TECTA: variants seen among roughly 807,000 people sequenced by gnomAD.
TECTA encodes the protein tectorin alpha.
A neutral mutation model predicts 216.8 loss-of-function variants in TECTA; 128 were observed. The ratio of observed to expected loss-of-function variants is 0.59; its 90% CI spans 0.51 to 0.68. The LOEUF (loss-of-function observed/expected upper bound fraction) is 0.68, where lower values mean the gene tolerates loss of function less well. Among genes scored for constraint, TECTA ranks in the 30% least tolerant of loss-of-function variants. TECTA has a pLI of 0.00. For synonymous variants in TECTA, 1,089 were observed against 1,117.1 expected, an observed-to-expected ratio of 0.97 and a Z score of 0.50; for missense variants, 2,551 against 2,786.2, an observed-to-expected ratio of 0.92 and a Z score of 1.90.
At chr11:121,159,652 G>T (rs1946978730) in intron 14 of TECTA, among the ~76,000 whole-genome samples, 3 of 152,166 alleles carry the variant, frequency 2.0e-5, no homozygotes, top group Admixed American at 2.0e-4. Context: ...GATAAATATG[G>T]CAATGATGCC....
chr11:121,111,011 T>G (rs910227034), intron 4 of TECTA, among the ~76,000 whole-genome samples: 1 of 152,168 alleles, frequency 6.6e-6, no homozygotes, highest in Admixed American at 6.5e-5. Flanking sequence ...ATGTTTCCCC[T>G]TCTGTATAGA....
intron 14 of TECTA, 97 bp from the exon 15 acceptor site, chr11:121,160,038 C>T (rs1306794221): frequency 1.4e-6 from 2 of 1,435,792 alleles, no homozygotes; most frequent in East Asian, 4.6e-5. Context: ...GATCACAGGG[C>T]CTGCGACACC....
Position 121,128,223 on chromosome 11 carries a change from A to G in TECTA, c.2246A>G (p.Tyr749Cys), listed in dbSNP as rs1387980685. 14 of 1,602,864 alleles carry G rather than the reference A, an allele frequency of 8.7e-6. No individual in the cohort carries two copies. The highest frequency in any genetic ancestry group is 1.3e-5 in the African/African-American group (1 of 74,932). Residue 749 changes from tyrosine (Y) to cysteine (C), a missense_variant, in exon 9 of 24, where the codon TAC becomes TGC. Physicochemically the swap from Tyr to Cys is radical, Grantham distance 194. Transcript: ENST00000392793. ...AAGACCTGCCCTGAGCGCCCAGAGTACTTGGAAATCGACATCAACAAGAAG... is the reference window on the plus strand; with the variant it reads ...AAGACCTGCCCTGAGCGCCCAGAGTGCTTGGAAATCGACATCAACAAGAAG... ...LLKTCPERPE[Y>C]LEIDINKKKP... is the part of the protein sequence containing the mutation.
intron 12 of TECTA, among the ~76,000 whole-genome samples, chr11:121,147,237 A>C (rs1313670951): frequency 6.6e-6 from 1 of 152,214 alleles, no homozygotes. Context: ...GAATGCATAG[A>C]GCTCTAACTA....
chr11:121,191,370 C>G lies in TECTA; in HGVS notation c.*564C>G, dbSNP rs1288260646. The stretch of plus-strand genomic sequence containing the variant: ...CTTTGGCCACTGGGGATATTGTTGA[C>G]CTGGGGAACCCCACCCACTCTCCTA... On this transcript the variant is annotated 3_prime_UTR_variant, in exon 24 of 24. Transcript: ENST00000392793. The G allele has an allele frequency of 6.1e-6, 1 of 162,832 alleles. No homozygotes were observed. The highest frequency in any genetic ancestry group is 2.4e-5 in the African/African-American group (1 of 41,540). The allele number at this position is 162,832 out of a possible 1,614,324, so 10.1% of individuals were successfully genotyped here.
In TECTA at chr11:121,113,255, C is replaced by T. The variant is rs1337620026; in HGVS notation, c.624+46C>T. ...TCCCCCGCGTGTTTCCGTCGCTGCACTCTCTGCTTCTGTGGCTCAGCATCC... is the reference window on the plus strand; with the variant it reads ...TCCCCCGCGTGTTTCCGTCGCTGCATTCTCTGCTTCTGTGGCTCAGCATCC... On this transcript the variant is annotated intron_variant, in intron 5 of 23. Transcript: ENST00000392793. The surrounding 1 kb of genome is among the most constrained non-coding windows in gnomAD (Gnocchi z 4.2). The T allele has an allele frequency of 6.2e-7, 1 of 1,612,772 alleles. No individual in the cohort carries two copies. Among genetic ancestry groups the T allele is most frequent in the Non-Finnish European group, 8.5e-7 (1 of 1,179,980 alleles).
Position 121,190,831 on chromosome 11 carries a change from T to C in TECTA, c.*25T>C. Reference sequence around the variant, plus strand: ...ATTAACTCAAGGTTGCTATATAAAGTACTGTAATTTACTTACTTCAACACC... The same window carrying C: ...ATTAACTCAAGGTTGCTATATAAAGCACTGTAATTTACTTACTTCAACACC... On this transcript the variant is annotated 3_prime_UTR_variant, in exon 24 of 24. Coordinates refer to ENST00000392793, the MANE Select transcript of TECTA (RefSeq NM_005422.4). 1 of 1,527,814 alleles carries C rather than the reference T, an allele frequency of 6.5e-7. No individual in the cohort carries two copies. Among genetic ancestry groups the C allele is most frequent in the Non-Finnish European group, 9.0e-7 (1 of 1,106,394 alleles). 94.6% of individuals were successfully genotyped at this position (1,527,814 alleles called of 1,614,324 possible).
intron 20 of TECTA, among the ~76,000 whole-genome samples, chr11:121,178,698 A>G (rs1350389937): frequency 6.6e-6 from 1 of 152,096 alleles, no homozygotes; most frequent in East Asian, 1.9e-4. Flanking sequence ...CTTTGTAAGT[A>G]TGGTAGAATT....
At chr11:121,107,585 A>T (rs1329832452) in intron 3 of TECTA, among the ~76,000 whole-genome samples, 2 of 152,338 alleles carry the variant, frequency 1.3e-5, no homozygotes, top group Admixed American at 6.5e-5. Flanking sequence ...TATGATTGGA[A>T]TGTATAGGAA....
At chr11:121,161,544 T>TTC in intron 15 of TECTA, among the ~76,000 whole-genome samples, 3 of 1,412 alleles carry the variant, frequency 2.1e-3, no homozygotes, top group Non-Finnish European at 4.4e-3. Flanking sequence ...CCTCCCTCCT[T>TTC]CCCTTCCCTT....
intron 20 of TECTA, among the ~76,000 whole-genome samples, chr11:121,173,648 G>T (rs1458537033): frequency 6.3e-5 from 9 of 141,972 alleles, no homozygotes; most frequent in African/African-American, 1.1e-4. Flanking sequence ...TGTTCTTTTG[G>T]CTTAGGATTG....
Position 121,187,829 on chromosome 11 carries a change from T to G in TECTA, c.6000-3T>G. 6 of 1,614,212 alleles carry G rather than the reference T, an allele frequency of 3.7e-6. No homozygotes were observed. The highest frequency in any genetic ancestry group is 4.2e-6 in the Non-Finnish European group (5 of 1,179,996). ...CAAAGATTCCATTATTTTTTCTGAATAGGTGTCAGAACCTCAAAGATAACA... is the reference window on the plus strand; with the variant it reads ...CAAAGATTCCATTATTTTTTCTGAAGAGGTGTCAGAACCTCAAAGATAACA... On this transcript the variant is annotated splice_polypyrimidine_tract_variant and splice_region_variant and intron_variant, in intron 20 of 23. Transcript: ENST00000392793.
chr11:121,115,490 G>A (rs955294733), intron 6 of TECTA, among the ~76,000 whole-genome samples: 1 of 152,184 alleles, frequency 6.6e-6, no homozygotes, highest in Non-Finnish European at 1.5e-5. Flanking sequence ...GAAACACAGA[G>A]GAAGACCATG....
Position 121,127,842 on chromosome 11 carries a change from A to G in TECTA, c.1865A>G (p.Asn622Ser). 1 of 1,614,096 alleles carries G rather than the reference A, an allele frequency of 6.2e-7. No individual in the cohort carries two copies. Among genetic ancestry groups the G allele is most frequent in the Non-Finnish European group, 8.5e-7 (1 of 1,180,030 alleles). ...DTCSDLTASR[N>S]CATPCTEGCE... ...TGCTCCGACCTGACGGCCTCGCGGA[A>G]CTGCGCCACGCCGTGCACAGAGGGC... Residue 622 changes from asparagine (N) to serine (S), a missense_variant, in exon 9 of 24, where the codon AAC (asparagine) becomes AGC (serine). Physicochemically the swap from Asn to Ser is conservative, Grantham distance 46. Transcript: ENST00000392793. This position sits in a 1 kb window ranked among gnomAD's most constrained non-coding sequence, Gnocchi z 5.0.
intron 14 of TECTA, among the ~76,000 whole-genome samples, chr11:121,158,714 AG>A (rs1946969514): frequency 6.6e-6 from 1 of 151,926 alleles, no homozygotes; most frequent in Admixed American, 6.6e-5. Context: ...CCATTATCCG[AG>A]GGCCCCGTGA....
intron 3 of TECTA, 92 bp downstream of exon 3, chr11:121,106,056 T>C: frequency 6.3e-7 from 1 of 1,598,312 alleles, no homozygotes; most frequent in East Asian, 2.2e-5. Context: ...TCCAGAGCTC[T>C]GGGAAGGGAG....
At position 121,109,303 on chromosome 11, in the gene TECTA, C is replaced by T; in HGVS notation, c.291C>T (p.Ala97=). The part of the protein sequence containing the change: ...FPLTDGRAFV[A]PFWADVHNGI... ...TGACAGATGGGAGAGCCTTCGTCGC[C>T]CCATTTTGGGCAGATGTGCACAATG... Residue 97 remains alanine, a synonymous_variant, in exon 4 of 24, where the codon GCC becomes GCT. Coordinates refer to ENST00000392793, the MANE Select transcript of TECTA (RefSeq NM_005422.4). 6.8e-6 allele frequency: 11 copies of T among 1,614,152 alleles called. No homozygotes were observed. The highest frequency in any genetic ancestry group is 9.3e-6 in the Non-Finnish European group (11 of 1,180,034).
Position 121,177,157 on chromosome 11 carries a change from A to G in TECTA, c.5999+8232A>G, listed in dbSNP as rs907036451. On this transcript the variant is annotated intron_variant, in intron 20 of 23. Transcript: ENST00000392793. ...AGCTCGGAGTAGTTTGATTGTCTGA[A>G]GCCTTCTTCTCTCAACTCGTCAAAG... 4.7e-4 allele frequency among the ~76,000 whole-genome samples: 71 copies of G among 152,168 alleles called. 1 individual carries two copies. The highest frequency in any genetic ancestry group is 2.6e-4 in the Admixed American group (4 of 15,278).
Position 121,102,257 on chromosome 11 carries a change from AG to A in TECTA, c.-1-406del, listed in dbSNP as rs563029850. On this transcript the variant is annotated intron_variant, in intron 1 of 23. Transcript: ENST00000392793. ...AGCTGTAGTGAAAATTAGGAAATCC[AG>A]GTCTCACTGGGGTGTGGTTTCTGCT... is the stretch of plus-strand genomic sequence containing the variant. Among the ~76,000 whole-genome samples the A allele has an allele frequency of 3.7e-3, 568 of 152,356 alleles. 2 individuals carry two copies. The highest frequency in any genetic ancestry group is 0.014 in the Middle Eastern group (4 of 294).
Sources: allele counts gnomAD v4.1 joint callset (sites outside exome capture counted in the v4.1 genomes callset), GRCh38; gene constraint gnomAD v4.1.1; non-coding constraint Gnocchi (gnomAD v3.1); transcripts MANE v1.5; gene names NCBI Gene and HGNC (gene_info 2026-07-23, HGNC 2026-07-21).